The following CLVS1 variants were observed in gnomAD, a reference collection of about 807,000 sequenced individuals.
The protein encoded by CLVS1 is clavesin-1.
In CLVS1, 10 loss-of-function variants were observed where a neutral mutation model predicts 33.1. That is an observed-to-expected ratio of 0.30 (90% CI 0.19 to 0.51). CLVS1 has a LOEUF of 0.51. CLVS1 is among the 20% of genes least tolerant of loss of function. The pLI is 0.97. For missense variants in CLVS1, 343 were observed against 433.4 expected, an observed-to-expected ratio of 0.79 and a Z score of 1.85; for synonymous variants, 163 against 166.1, an observed-to-expected ratio of 0.98 and a Z score of 0.14.
chr8:61,410,570 A>G (rs1815180700), intron 3 of CLVS1, among the ~76,000 whole-genome samples: 1 of 152,064 alleles, frequency 6.6e-6, no homozygotes, highest in Non-Finnish European at 1.5e-5. Flanking sequence ...TCTTCGCTCT[A>G]CTTCTATTCT....
At chr8:61,238,918 C>A (rs1475896257) in intron 2 of CLVS1, among the ~76,000 whole-genome samples, 2 of 152,160 alleles carry the variant, frequency 1.3e-5, no homozygotes, top group Non-Finnish European at 2.9e-5. Context: ...AAGGAAAATT[C>A]TCTTGTTTAA....
At chr8:61,170,411 TA>T (rs1563429746) in intron 2 of CLVS1, among the ~76,000 whole-genome samples, 1 of 152,168 alleles carries the variant, frequency 6.6e-6, no homozygotes, top group East Asian at 1.9e-4. Context: ...CACTCTGAGT[TA>T]AAGGGTATAT....
the CLVS1 span, among the ~76,000 whole-genome samples, chr8:60,983,716 A>C: frequency 6.6e-6 from 1 of 152,174 alleles, no homozygotes; most frequent in Non-Finnish European, 1.5e-5. Flanking sequence ...GGCAGAGGGA[A>C]TTGGCACCTT....
chr8:61,207,509 C>T (rs1807880727), intron 2 of CLVS1, among the ~76,000 whole-genome samples: 1 of 152,196 alleles, frequency 6.6e-6, no homozygotes, highest in African/African-American at 2.4e-5. Context: ...TTTAAGTCCT[C>T]CTTCAGTCTC....
chr8:61,321,814 G>A (rs1811202895), intron 2 of CLVS1, among the ~76,000 whole-genome samples: 1 of 152,076 alleles, frequency 6.6e-6, no homozygotes, highest in Non-Finnish European at 1.5e-5. Context: ...TTTAGAGGGA[G>A]ATATATCTTC....
rs117911124 is a variant in CLVS1 at position 61,489,516 on chromosome 8, A to G, written c.978-9939A>G. On this transcript the variant is annotated intron_variant, in intron 5 of 5. Transcript: ENST00000325897. ...CTTAGATTATTGTGAAGATTTATTT[A>G]TTGATTGATTGATTTGTTTTTATTT... Among the ~76,000 whole-genome samples, 292 of 152,302 alleles carry G rather than the reference A, an allele frequency of 1.9e-3. 1 individual carries two copies. Among genetic ancestry groups the G allele is most frequent in the Non-Finnish European group, 3.5e-3 (239 of 68,010 alleles).
chr8:61,422,967 C>G (rs185997678), intron 3 of CLVS1, among the ~76,000 whole-genome samples: 6 of 152,302 alleles, frequency 3.9e-5, no homozygotes, highest in African/African-American at 1.4e-4. Context: ...ATCCCTCCTA[C>G]AGAGAGCTGA....
intron 3 of CLVS1, among the ~76,000 whole-genome samples, chr8:61,383,769 T>C (rs1813976832): frequency 6.6e-6 from 1 of 152,176 alleles, no homozygotes; most frequent in South Asian, 2.1e-4. Flanking sequence ...TTATCTTTGG[T>C]GTACTTTTGA....
intron 2 of CLVS1, among the ~76,000 whole-genome samples, chr8:61,311,893 C>G (rs1297668028): frequency 6.6e-6 from 1 of 152,178 alleles, no homozygotes; most frequent in Non-Finnish European, 1.5e-5. Context: ...AGGAGCATGA[C>G]CTATGTTTGC....
intron 2 of CLVS1, among the ~76,000 whole-genome samples, chr8:61,244,936 T>G (rs1396207985): frequency 2.0e-5 from 3 of 152,204 alleles, no homozygotes; most frequent in African/African-American, 7.2e-5. Context: ...ATTCACTTTT[T>G]TCTACAATCC....
intron 2 of CLVS1, among the ~76,000 whole-genome samples, chr8:61,331,990 T>G (rs1258449004): frequency 6.6e-6 from 1 of 152,208 alleles, no homozygotes; most frequent in Non-Finnish European, 1.5e-5. Flanking sequence ...TCTGTCCGCA[T>G]GTGAGGGTTC....
At chr8:61,491,151 A>G (rs1442784440) in intron 5 of CLVS1, among the ~76,000 whole-genome samples, 1 of 152,206 alleles carries the variant, frequency 6.6e-6, no homozygotes, top group Non-Finnish European at 1.5e-5. Context: ...AAATTAACTT[A>G]AAGTGTGAAT....
intron 2 of CLVS1, among the ~76,000 whole-genome samples, chr8:61,152,364 G>A (rs778378687): frequency 2.6e-5 from 4 of 152,100 alleles, no homozygotes; most frequent in African/African-American, 7.2e-5. Flanking sequence ...TCCTGTCTCA[G>A]CCCGTTTGTA....
At chr8:61,347,097 C>T (rs1024268382) in intron 2 of CLVS1, among the ~76,000 whole-genome samples, 1 of 152,192 alleles carries the variant, frequency 6.6e-6, no homozygotes, top group Non-Finnish European at 1.5e-5. Flanking sequence ...GCTTTGGCAG[C>T]ACCAAGAGGG....
At chr8:61,285,719 A>G (rs2978524), upstream of CLVS1, among the ~76,000 whole-genome samples, 106,801 of 152,012 alleles carry the variant, frequency 0.7, 39,713 homozygotes, top group East Asian at 1. Context: ...ACAGGTAAAG[A>G]CTCTATCCAC....
intron 1 of CLVS1, among the ~76,000 whole-genome samples, chr8:61,101,204 C>G (rs1341283016): frequency 6.6e-6 from 1 of 152,178 alleles, no homozygotes; most frequent in Non-Finnish European, 1.5e-5. Context: ...TATATTCTCA[C>G]CAGTAGAATA....
At chr8:61,478,644 G>A (rs937903676) in intron 5 of CLVS1, among the ~76,000 whole-genome samples, 1 of 152,078 alleles carries the variant, frequency 6.6e-6, no homozygotes, top group African/African-American at 2.4e-5. Flanking sequence ...TGCAACCCCT[G>A]CCTTTTTTTG....
chr8:61,486,531 A>G (rs1803888679), intron 5 of CLVS1, among the ~76,000 whole-genome samples: 3 of 152,236 alleles, frequency 2.0e-5, no homozygotes, highest in Admixed American at 2.0e-4. Flanking sequence ...AATCTCAATA[A>G]TCCTTCACGT....
intron 2 of CLVS1, among the ~76,000 whole-genome samples, chr8:61,280,335 G>C (rs933267436): frequency 6.6e-6 from 1 of 152,194 alleles, no homozygotes; most frequent in Non-Finnish European, 1.5e-5. Context: ...AATGGTGGGA[G>C]ATGCCATGAT....
Sources: gnomAD v4.1 joint callset for allele counts (sites outside exome capture counted in the v4.1 genomes callset) on GRCh38, gnomAD v4.1.1 for gene constraint, MANE v1.5 for transcripts, NCBI Gene and HGNC (gene_info 2026-07-23, HGNC 2026-07-21) for gene names.